Variants in USP42 observed in about 807,000 individuals in gnomAD.
USP42 encodes ubiquitin specific peptidase 42.
Under a neutral mutation model 113.0 loss-of-function variants are expected in USP42, and 23 were observed. That is an observed-to-expected ratio of 0.20 (90% CI 0.15 to 0.29). The LOEUF is 0.29. Ranked by LOEUF, USP42 falls within the 10% of genes least tolerant of loss-of-function variation. The pLI is 1.00. For synonymous variants in USP42, 933 were observed against 699.0 expected, an observed-to-expected ratio of 1.33 and a Z score of -5.28; for missense variants, 2,174 against 1,779.8, an observed-to-expected ratio of 1.22 and a Z score of -3.99.
intron 1 of USP42, among the ~76,000 whole-genome samples, chr7:6,106,674 C>A (rs1381225025): frequency 6.6e-6 from 1 of 152,138 alleles, no homozygotes; most frequent in Non-Finnish European, 1.5e-5. Flanking sequence ...CAGCAGTCCT[C>A]CCACCTCAGC....
At chr7:6,126,895 A>G (rs1310464189) in intron 3 of USP42, among the ~76,000 whole-genome samples, 3 of 152,230 alleles carry the variant, frequency 2.0e-5, no homozygotes, top group African/African-American at 7.2e-5. Context: ...CCAGGACTGC[A>G]AATGCTGGGT....
At chr7:6,130,852 C>G (rs1448084045) in intron 3 of USP42, among the ~76,000 whole-genome samples, 1 of 152,138 alleles carries the variant, frequency 6.6e-6, no homozygotes, top group East Asian at 1.9e-4. Context: ...AAGCAGAAGA[C>G]AGGAGCAAGG....
the USP42 span, among the ~76,000 whole-genome samples, chr7:6,091,394 T>C: frequency 2.0e-5 from 3 of 150,278 alleles, no homozygotes; most frequent in Admixed American, 2.0e-4. Flanking sequence ...GCCCACCTAA[T>C]TTTTTTAAGT....
intron 3 of USP42, among the ~76,000 whole-genome samples, chr7:6,133,783 G>A (rs559817737): frequency 1.3e-5 from 2 of 152,132 alleles, no homozygotes; most frequent in Non-Finnish European, 2.9e-5. Flanking sequence ...GCCTCCCGAA[G>A]CACTGGGATG....
chr7:6,106,241 T>A (rs1215334445), intron 1 of USP42, among the ~76,000 whole-genome samples: 1 of 152,176 alleles, frequency 6.6e-6, no homozygotes, highest in African/African-American at 2.4e-5. Context: ...AAGACGAAGG[T>A]TTTGTCTTTT....
chr7:6,114,021 T>A (rs1240513727), intron 2 of USP42, among the ~76,000 whole-genome samples: 1 of 152,246 alleles, frequency 6.6e-6, no homozygotes, highest in Admixed American at 6.5e-5. Context: ...AGTTGTTTCT[T>A]GAGCTTCATC....
At chr7:6,156,629 G>T in intron 15 of USP42, 125 bp from the exon 16 acceptor site, 1 of 1,385,952 alleles carries the variant, frequency 7.2e-7, no homozygotes, top group Non-Finnish European at 9.3e-7. Flanking sequence ...TGGCTAATTA[G>T]ATAAGAATTG....
intron 15 of USP42, among the ~76,000 whole-genome samples, 187 bp from the exon 16 acceptor site, chr7:6,156,567 A>G (rs1168001556): frequency 6.6e-6 from 1 of 152,040 alleles, no homozygotes; most frequent in African/African-American, 2.4e-5. Context: ...CTCCTGCTTC[A>G]GCCTCCCGAG....
At chr7:6,092,057 C>CTTCTTCTTCT in the USP42 span, among the ~76,000 whole-genome samples, 5 of 56,634 alleles carry the variant, frequency 8.8e-5, no homozygotes, top group African/African-American at 3.0e-4. Context: ...CTTCTTCTTT[C>CTTCTTCTTCT]TTCTTCTTCT....
chr7:6,085,923 T>A, the USP42 span, among the ~76,000 whole-genome samples: 7 of 151,052 alleles, frequency 4.6e-5, no homozygotes, highest in Admixed American at 3.9e-4. Context: ...TATTAGTCTA[T>A]ATTTTTTATA....
intron 3 of USP42, among the ~76,000 whole-genome samples, chr7:6,120,125 G>A (rs968891711): frequency 1.1e-4 from 17 of 152,156 alleles, no homozygotes; most frequent in Middle Eastern, 3.4e-3. Flanking sequence ...CCACCACGCC[G>A]GCTAATTTTT....
intron 3 of USP42, among the ~76,000 whole-genome samples, chr7:6,122,511 C>G (rs1482092315): frequency 6.6e-6 from 1 of 152,028 alleles, no homozygotes; most frequent in Non-Finnish European, 1.5e-5. Flanking sequence ...TGCTCTGTTG[C>G]CACGCTGGAG....
At chr7:6,087,253 A>C in the USP42 span, among the ~76,000 whole-genome samples, 1 of 148,904 alleles carries the variant, frequency 6.7e-6, no homozygotes, top group Non-Finnish European at 1.5e-5. Context: ...CTGGTCTGGA[A>C]CTCCTGACCT....
chr7:6,119,451 G>C (rs961336968), intron 3 of USP42, among the ~76,000 whole-genome samples: 7 of 152,158 alleles, frequency 4.6e-5, no homozygotes. Context: ...AGCCTGGGCA[G>C]CAGAGTGAGA....
At chr7:6,093,460 A>G in the USP42 span, among the ~76,000 whole-genome samples, 1 of 150,406 alleles carries the variant, frequency 6.6e-6, no homozygotes, top group East Asian at 1.9e-4. Context: ...TAACTTTTGT[A>G]TTTTTTGATA....
chr7:6,122,752 G>C (rs1780302986), intron 3 of USP42, among the ~76,000 whole-genome samples: 1 of 151,982 alleles, frequency 6.6e-6, no homozygotes, highest in Non-Finnish European at 1.5e-5. Context: ...TTACAGGCGT[G>C]AGTCACTGTG....
At chr7:6,086,971 G>C in the USP42 span, among the ~76,000 whole-genome samples, 24 of 149,904 alleles carry the variant, frequency 1.6e-4, no homozygotes, top group Non-Finnish European at 3.1e-4. Flanking sequence ...CGGGTGATTT[G>C]CCTGCTTCAG....
intron 3 of USP42, among the ~76,000 whole-genome samples, chr7:6,134,762 A>G (rs1033635117): frequency 6.6e-6 from 1 of 152,134 alleles, no homozygotes; most frequent in East Asian, 1.9e-4. Flanking sequence ...GAGTATTTAC[A>G]CAGAGATTAT....
Sources: gnomAD v4.1 joint callset for allele counts (sites outside exome capture counted in the v4.1 genomes callset) on GRCh38, gnomAD v4.1.1 for gene constraint, MANE v1.5 for transcripts, NCBI Gene and HGNC (gene_info 2026-07-23, HGNC 2026-07-21) for gene names.